The following ARHGAP32 variants were observed in gnomAD, a reference collection of about 807,000 sequenced individuals.
ARHGAP32 encodes the protein Rho GTPase activating protein 32.
In ARHGAP32, 51 loss-of-function variants were observed where a neutral mutation model predicts 186.5. The observed-to-expected ratio is 0.27, with a 90% confidence interval of 0.22 to 0.35. ARHGAP32 has a LOEUF of 0.35. Ranked by LOEUF, ARHGAP32 falls within the 10% of genes least tolerant of loss-of-function variation. The probability of loss-of-function intolerance (pLI) is 1.00; values close to 1 mark genes in which losing one functional copy is unlikely to be tolerated. For missense variants in ARHGAP32, 2,186 were observed against 2,623.5 expected, an observed-to-expected ratio of 0.83 and a Z score of 3.64; for synonymous variants, 950 against 964.3, an observed-to-expected ratio of 0.99 and a Z score of 0.27.
upstream of ARHGAP32, among the ~76,000 whole-genome samples, chr11:129,194,492 T>TA (rs1423962133): frequency 6.6e-6 from 1 of 151,466 alleles, no homozygotes; most frequent in Admixed American, 6.6e-5. Flanking sequence ...AAGAAAGGGG[T>TA]AAAAGTATAG....
intron 11 of ARHGAP32, among the ~76,000 whole-genome samples, chr11:129,029,509 A>T (rs1939003888): frequency 6.6e-6 from 1 of 152,132 alleles, no homozygotes. Context: ...TCCATTTGTT[A>T]AAAAAGGGTA....
intron 1 of ARHGAP32, among the ~76,000 whole-genome samples, chr11:129,224,838 G>A (rs1394464354): frequency 6.6e-6 from 1 of 151,808 alleles, no homozygotes; most frequent in Non-Finnish European, 1.5e-5. Context: ...AGGGCCAGGT[G>A]GGGTGGCTCA....
At chr11:128,987,889 A>G in intron 13 of ARHGAP32, 134 bp downstream of exon 13, 1 of 651,432 alleles carries the variant, frequency 1.5e-6, no homozygotes, top group Non-Finnish European at 2.6e-6. Context: ...AGAGACAATA[A>G]CATGTATATT....
At chr11:129,074,044 G>A (rs1940958725) in intron 6 of ARHGAP32, among the ~76,000 whole-genome samples, 1 of 152,124 alleles carries the variant, frequency 6.6e-6, no homozygotes, top group Admixed American at 6.5e-5. Flanking sequence ...CAAAAATTGA[G>A]AAAATTTGTG....
chr11:129,015,561 T>C (rs938444377), intron 11 of ARHGAP32, among the ~76,000 whole-genome samples: 1 of 152,196 alleles, frequency 6.6e-6, no homozygotes, highest in East Asian at 1.9e-4. Context: ...AGAGAGAACC[T>C]GTATCCTGAA....
chr11:128,970,117 G>C lies in ARHGAP32; in HGVS notation c.5096C>G (p.Pro1699Arg), dbSNP rs1406933340. The change falls in exon 23 of 23, where the codon CCC becomes CGC. Residue 1699 changes from proline to arginine, a missense_variant. Pro to Arg is a moderately radical substitution (Grantham distance 103). Around this residue, in one of 5 missense-constraint regions of ARHGAP32, gnomAD observed 1,502 missense variants for 1,570.0 expected, o/e 0.96. Transcript: ENST00000682385. This position sits in a 1 kb window ranked among gnomAD's most constrained non-coding sequence, Gnocchi z 5.8. ...ATTGTAGAAAGCAAAGTCTCGATTG[G>C]GAAGGCGGTGAAGGGGTCTCAACTG... The part of the protein sequence containing the change: ...TVQLRPLHRL[P>R]NRDFAFYNPR... The C allele has an allele frequency of 6.2e-7, 1 of 1,614,206 alleles. No individual in the cohort carries two copies. The highest frequency in any genetic ancestry group is 1.3e-5 in the African/African-American group (1 of 75,048).
intron 1 of ARHGAP32, among the ~76,000 whole-genome samples, chr11:129,204,430 G>GA (rs1192397529): frequency 1.3e-5 from 2 of 151,862 alleles, no homozygotes; most frequent in Admixed American, 6.6e-5. Context: ...AAAAAGAAAA[G>GA]AAAAAAAAGT....
chr11:128,993,946 A>T (rs1001360492), intron 12 of ARHGAP32, among the ~76,000 whole-genome samples: 1 of 152,162 alleles, frequency 6.6e-6, no homozygotes, highest in Non-Finnish European at 1.5e-5. Context: ...GTTCCACTCA[A>T]ATAGATTTTA....
At chr11:129,012,558 A>G (rs936496863) in intron 11 of ARHGAP32, among the ~76,000 whole-genome samples, 1 of 152,160 alleles carries the variant, frequency 6.6e-6, no homozygotes, top group Non-Finnish European at 1.5e-5. Flanking sequence ...CTTGTCACAG[A>G]AAGCAAGGGG....
intron 6 of ARHGAP32, among the ~76,000 whole-genome samples, chr11:129,075,382 T>G (rs73579397): frequency 7.2e-4 from 109 of 152,326 alleles, no homozygotes; most frequent in African/African-American, 2.3e-3. Flanking sequence ...AAGAAAGTTA[T>G]GAGGGATAAA....
intron 6 of ARHGAP32, among the ~76,000 whole-genome samples, chr11:129,072,370 A>G (rs1940895661): frequency 6.6e-6 from 1 of 152,190 alleles, no homozygotes. Context: ...ATACAGTTCC[A>G]TTTCAGAAGT....
At chr11:128,984,035 T>A (rs1279047252) in intron 15 of ARHGAP32, among the ~76,000 whole-genome samples, 1 of 152,028 alleles carries the variant, frequency 6.6e-6, no homozygotes, top group East Asian at 1.9e-4. Flanking sequence ...AAAAACATAA[T>A]CTAGATACCA....
At chr11:129,228,857 T>G (rs964321924) in intron 1 of ARHGAP32, among the ~76,000 whole-genome samples, 3 of 152,112 alleles carry the variant, frequency 2.0e-5, no homozygotes, top group Non-Finnish European at 4.4e-5. Flanking sequence ...TCCCAGAACT[T>G]AAAAGTAAAA....
At chr11:129,088,799 C>T (rs1461789477) in intron 6 of ARHGAP32, among the ~76,000 whole-genome samples, 1 of 151,952 alleles carries the variant, frequency 6.6e-6, no homozygotes, top group Non-Finnish European at 1.5e-5. Flanking sequence ...TCCCAGCACT[C>T]TGGGAGGCAG....
intron 1 of ARHGAP32, among the ~76,000 whole-genome samples, chr11:129,220,890 T>C (rs1944702732): frequency 6.6e-6 from 1 of 152,178 alleles, no homozygotes; most frequent in South Asian, 2.1e-4. Context: ...TTCTGAAGTC[T>C]AACTACACAT....
At chr11:129,019,594 A>G (rs893365633) in intron 11 of ARHGAP32, among the ~76,000 whole-genome samples, 1 of 152,076 alleles carries the variant, frequency 6.6e-6, no homozygotes, top group Non-Finnish European at 1.5e-5. Flanking sequence ...TCTCTTCTAT[A>G]TATCTATTTC....
Position 128,974,366 on chromosome 11 carries a change from G to A in ARHGAP32, c.2831C>T (p.Thr944Ile). 6.2e-7 allele frequency: 1 copy of A among 1,614,218 alleles called. No individual in the cohort carries two copies. The highest frequency in any genetic ancestry group is 8.5e-7 in the Non-Finnish European group (1 of 1,180,040). Reference sequence around the variant, plus strand: ...GGTTGAAGATGATGCATTCTGAGCTGTGGTATTTGAGACTGTACCAATGAC... The same window carrying A: ...GGTTGAAGATGATGCATTCTGAGCTATGGTATTTGAGACTGTACCAATGAC... Reference protein sequence around the residue: ...SEVIGTVSNTTAQNASSSTWD... With the variant: ...SEVIGTVSNTIAQNASSSTWD... The change falls in exon 21 of 23, where the codon ACA (threonine) becomes ATA (isoleucine). Residue 944 changes from threonine to isoleucine, a missense_variant. Around this residue, in one of 5 missense-constraint regions of ARHGAP32, gnomAD observed 1,502 missense variants for 1,570.0 expected, o/e 0.96. Coordinates refer to ENST00000682385, the MANE Select transcript of ARHGAP32 (RefSeq NM_001378024.1).
chr11:129,089,207 A>G (rs1941503077), intron 6 of ARHGAP32, among the ~76,000 whole-genome samples: 1 of 152,228 alleles, frequency 6.6e-6, no homozygotes, highest in Admixed American at 6.5e-5. Flanking sequence ...GACCACTCAC[A>G]TGGTGCTAAG....
chr11:129,024,045 C>T lies in ARHGAP32; in HGVS notation c.1045+16883G>A, dbSNP rs140373252. ...TTCAAGTTAGGTCCCACATCACTGC[C>T]GGGTTCCAGCTGTTTTCAGGACCCC... On this transcript the variant is annotated intron_variant, in intron 11 of 22. Transcript: ENST00000682385. The T allele has an allele frequency of 2.2e-4, 214 of 985,504 alleles. No individual in the cohort carries two copies. In the African/African-American group the frequency reaches 3.5e-3, roughly 16 times the overall value. The allele number at this position is 985,504 out of a possible 1,614,324, so 61.0% of individuals were successfully genotyped here.
Sources: gnomAD v4.1 joint callset for allele counts (sites outside exome capture counted in the v4.1 genomes callset) on GRCh38, gnomAD v4.1.1 for gene constraint, gnomAD v4.1.1 regional missense constraint, Gnocchi (gnomAD v3.1) non-coding constraint, MANE v1.5 for transcripts, NCBI Gene and HGNC (gene_info 2026-07-23, HGNC 2026-07-21) for gene names.